Variants in PGM5 observed in about 807,000 individuals in gnomAD.
PGM5 encodes the protein phosphoglucomutase-like protein 5.
PGM5 carries 23 observed loss-of-function variants against 59.2 expected under a neutral mutation model. That is an observed-to-expected ratio of 0.39 (90% confidence interval 0.28 to 0.55). The LOEUF (loss-of-function observed/expected upper bound fraction) is 0.55, where lower values mean the gene tolerates loss of function less well. Ranked by LOEUF, PGM5 falls within the 20% of genes least tolerant of loss-of-function variation. The pLI is 0.66. For missense variants in PGM5, 574 were observed against 748.3 expected (o/e 0.77, Z 2.72); for synonymous variants, 214 against 286.0 (o/e 0.75, Z 2.54).
intron 10 of PGM5, among the ~76,000 whole-genome samples, chr9:68,524,748 G>C (rs1824947053): frequency 6.6e-6 from 1 of 152,152 alleles, no homozygotes; most frequent in Non-Finnish European, 1.5e-5. Context: ...TCCCCATTCA[G>C]TGCATTTTGT....
At chr9:68,465,809 G>T (rs58252788) in intron 7 of PGM5, among the ~76,000 whole-genome samples, 5,528 of 152,072 alleles carry the variant, frequency 0.036, 344 homozygotes, top group African/African-American at 0.12. Flanking sequence ...TCTATGTAAA[G>T]TACTCTGTGT....
intron 6 of PGM5, among the ~76,000 whole-genome samples, chr9:68,445,445 T>C (rs1236240710): frequency 6.6e-6 from 1 of 152,202 alleles, no homozygotes; most frequent in African/African-American, 2.4e-5. Flanking sequence ...GTTGAACAAC[T>C]GGACATACCC....
chr9:68,404,613 C>T (rs1822755507), intron 6 of PGM5, among the ~76,000 whole-genome samples: 1 of 152,192 alleles, frequency 6.6e-6, no homozygotes, highest in Admixed American at 6.5e-5. Context: ...AGGGTGGAAT[C>T]CAGACCTGGG....
intron 6 of PGM5, among the ~76,000 whole-genome samples, chr9:68,395,201 T>C (rs1554679876): frequency 6.6e-6 from 1 of 152,084 alleles, no homozygotes; most frequent in African/African-American, 2.4e-5. Flanking sequence ...ATTTCCCTTA[T>C]CCAGTTTTTC....
chr9:68,365,716 T>C lies in PGM5; in HGVS notation c.261+8328T>C, dbSNP rs3901825. Among the ~76,000 whole-genome samples, 10 of 152,190 alleles carry C rather than the reference T, an allele frequency of 6.6e-5. 1 individual carries two copies. The highest frequency in any genetic ancestry group is 5.9e-4 in the Admixed American group (9 of 15,278). ...AAATATAATATTTAATTATTGCCTT[T>C]GTATTCTTTTTCTCTAGTAAACATC... On this transcript the variant is annotated intron_variant, in intron 1 of 10. Transcript: ENST00000396396.
At chr9:68,416,279 T>G (rs556144395) in intron 6 of PGM5, among the ~76,000 whole-genome samples, 1 of 148,484 alleles carries the variant, frequency 6.7e-6, no homozygotes, top group Non-Finnish European at 1.5e-5. Context: ...CTGTTGGGAT[T>G]CCGGCAGTAG....
chr9:68,484,155 T>C (rs1282342302), intron 9 of PGM5, 107 bp downstream of exon 9: 1 of 935,674 alleles, frequency 1.1e-6, no homozygotes, highest in East Asian at 2.4e-5. Flanking sequence ...CCTCATTTTA[T>C]AGATGAGAAC....
chr9:68,479,825 T>G (rs1474789507), intron 8 of PGM5, among the ~76,000 whole-genome samples: 2 of 150,712 alleles, frequency 1.3e-5, no homozygotes, highest in African/African-American at 4.9e-5. Flanking sequence ...TCCCAGCTAC[T>G]TGGGAGGCTG....
chr9:68,371,828 CAGAAG>C (rs1259440223), intron 1 of PGM5: 1 of 152,122 alleles, frequency 6.6e-6, no homozygotes, highest in Non-Finnish European at 1.5e-5. Flanking sequence ...AGAGGGTGAA[CAGAAG>C]AGAAGACATA....
At chr9:68,382,044 T>A (rs1234132841) in intron 2 of PGM5, among the ~76,000 whole-genome samples, 50 of 151,594 alleles carry the variant, frequency 3.3e-4, no homozygotes, top group African/African-American at 1.2e-3. Flanking sequence ...CTAAAATTTG[T>A]TTGGAGCCCC....
At chr9:68,462,067 A>T (rs1823865590) in intron 6 of PGM5, among the ~76,000 whole-genome samples, 1 of 152,142 alleles carries the variant, frequency 6.6e-6, no homozygotes, top group Admixed American at 6.5e-5. Context: ...GTCACATTTT[A>T]GGAGGTTTTA....
intron 6 of PGM5, among the ~76,000 whole-genome samples, chr9:68,455,080 G>A (rs894658420): frequency 2.6e-5 from 4 of 152,172 alleles, no homozygotes; most frequent in African/African-American, 4.8e-5. Flanking sequence ...ATATATGCTC[G>A]TCTTCTCGGA....
chr9:68,399,194 TG>T (rs1822601253), intron 6 of PGM5: 1 of 152,152 alleles, frequency 6.6e-6, no homozygotes, highest in African/African-American at 2.4e-5. Context: ...CATGATATTT[TG>T]CCCTTGATTC....
At chr9:68,435,905 T>G (rs1254390113) in intron 6 of PGM5, among the ~76,000 whole-genome samples, 4 of 152,222 alleles carry the variant, frequency 2.6e-5, no homozygotes, top group Non-Finnish European at 5.9e-5. Context: ...GTACCTGGCA[T>G]TCTACCTTAC....
chr9:68,438,194 C>G (rs781954411), intron 6 of PGM5, among the ~76,000 whole-genome samples: 3 of 146,260 alleles, frequency 2.1e-5, no homozygotes, highest in Admixed American at 7.2e-5. Flanking sequence ...GAGGCTGAGG[C>G]AGGACAATCG....
chr9:68,402,558 T>C (rs1395233023), intron 6 of PGM5: 12 of 152,302 alleles, frequency 7.9e-5, no homozygotes, highest in African/African-American at 2.9e-4. Context: ...CATAAATATA[T>C]AGCCTGCAAT....
At chr9:68,365,564 G>A (rs4126726) in intron 1 of PGM5, among the ~76,000 whole-genome samples, 66 of 152,246 alleles carry the variant, frequency 4.3e-4, no homozygotes, top group African/African-American at 1.3e-3. Context: ...AGTCATGTCC[G>A]TAGTTGTATG....
chr9:68,521,971 C>T (rs1824905876), intron 10 of PGM5, among the ~76,000 whole-genome samples: 1 of 152,108 alleles, frequency 6.6e-6, no homozygotes, highest in Non-Finnish European at 1.5e-5. Flanking sequence ...ATAAGAATAT[C>T]GGGCCTGGCA....
chr9:68,425,086 C>T (rs568621812), intron 6 of PGM5, among the ~76,000 whole-genome samples: 1 of 152,246 alleles, frequency 6.6e-6, no homozygotes, highest in African/African-American at 2.4e-5. Context: ...AATGGGAGAT[C>T]ATCTTTTTTG....
Sources: allele counts gnomAD v4.1 joint callset (sites outside exome capture counted in the v4.1 genomes callset), GRCh38; gene constraint gnomAD v4.1.1; transcripts MANE v1.5; gene names NCBI Gene and HGNC (gene_info 2026-07-23, HGNC 2026-07-21).